The following PDZD2 variants were observed in gnomAD, a reference collection of about 807,000 sequenced individuals.
The protein encoded by PDZD2 is PDZ domain containing 2.
In PDZD2, 90 loss-of-function variants were observed where a neutral mutation model predicts 220.7. That is an observed-to-expected ratio of 0.41 (90% CI 0.34 to 0.49). The LOEUF is 0.49. PDZD2 is among the 20% of genes least tolerant of loss of function. PDZD2 has a pLI of 0.28. For missense variants in PDZD2, 3,174 were observed against 3,608.5 expected, an observed-to-expected ratio of 0.88 and a Z score of 3.08; for synonymous variants, 1,375 against 1,450.5, an observed-to-expected ratio of 0.95 and a Z score of 1.18.
chr5:32,098,654 A>C lies in PDZD2; in HGVS notation c.8218+20A>C. On this transcript the variant is annotated intron_variant, in intron 23 of 24. Coordinates refer to ENST00000438447, the MANE Select transcript of PDZD2 (RefSeq NM_178140.4). This position sits in a 1 kb window ranked among gnomAD's most constrained non-coding sequence, Gnocchi z 4.1. Reference sequence around the variant, plus strand: ...GCATTGGTAAGATGATCATTTCAACAACCAGCAGGCTGTGAGCTACTGCAG... The same window carrying C: ...GCATTGGTAAGATGATCATTTCAACCACCAGCAGGCTGTGAGCTACTGCAG... 1.2e-6 allele frequency: 2 copies of C among 1,603,558 alleles called. No individual in the cohort carries two copies. Among genetic ancestry groups the C allele is most frequent in the Non-Finnish European group, 8.5e-7 (1 of 1,173,812 alleles).
intron 2 of PDZD2, among the ~76,000 whole-genome samples, chr5:31,807,958 G>A (rs1754838660): frequency 6.6e-6 from 1 of 152,210 alleles, no homozygotes; most frequent in Non-Finnish European, 1.5e-5. Flanking sequence ...GTTGTTGCAA[G>A]CTTAGGCTCT....
intron 1 of PDZD2, among the ~76,000 whole-genome samples, chr5:31,771,839 T>A (rs1752355725): frequency 6.6e-6 from 1 of 152,170 alleles, no homozygotes; most frequent in African/African-American, 2.4e-5. Context: ...ACTGCCTGGG[T>A]GACTTTTCCC....
intron 1 of PDZD2, among the ~76,000 whole-genome samples, chr5:31,714,902 C>CA (rs1175582468): frequency 6.6e-6 from 1 of 151,644 alleles, no homozygotes; most frequent in Non-Finnish European, 1.5e-5. Flanking sequence ...ACTAAAAGTA[C>CA]AAAAAAATTA....
chr5:31,662,855 C>T lies in PDZD2; in HGVS notation c.-361+23418C>T, dbSNP rs528565267. Among the ~76,000 whole-genome samples, 19 of 152,298 alleles carry T rather than the reference C, an allele frequency of 1.2e-4. 1 individual carries two copies. In the East Asian group the frequency reaches 3.1e-3, roughly 25 times the overall value. ...CCGTGTTAGCCAGGATGGTCTTGAT[C>T]TCCTGACCTTGTGATCCACCCGCTG... On this transcript the variant is annotated intron_variant, in intron 1 of 24. Coordinates refer to ENST00000438447, the MANE Select transcript of PDZD2 (RefSeq NM_178140.4).
At position 32,082,025 on chromosome 5, in the gene PDZD2, G is replaced by GTT. The variant is rs35433686; in HGVS notation, c.3682+4432_3682+4433dup. Among the ~76,000 whole-genome samples the GTT allele has an allele frequency of 2.1e-3, 278 of 132,168 alleles. 4 individuals are homozygous for GTT. The highest frequency in any genetic ancestry group is 5.0e-3 in the African/African-American group (178 of 35,644). The allele number at this position is 132,168 out of a possible 152,430, so 86.7% of individuals were successfully genotyped here. On this transcript the variant is annotated intron_variant, in intron 19 of 24. Coordinates refer to ENST00000438447, the MANE Select transcript of PDZD2 (RefSeq NM_178140.4). ...GAGCCACCGCGCCTGGCATATCTTT[G>GTT]TTTTTTTTTTTTTTGAGACAGAGTC...
chr5:31,974,053 G>T (rs1028783471), intron 2 of PDZD2, among the ~76,000 whole-genome samples: 1 of 152,158 alleles, frequency 6.6e-6, no homozygotes, highest in Non-Finnish European at 1.5e-5. Context: ...CCATCTTGGC[G>T]CTCTGCAGTG....
chr5:31,727,739 T>A (rs1580634739), intron 1 of PDZD2, among the ~76,000 whole-genome samples: 2 of 146,918 alleles, frequency 1.4e-5, no homozygotes, highest in Non-Finnish European at 1.5e-5. Flanking sequence ...CGCGGTGGCT[T>A]CACCTGTAAA....
intron 2 of PDZD2, among the ~76,000 whole-genome samples, chr5:31,956,968 G>A (rs1274841808): frequency 2.0e-5 from 3 of 152,112 alleles, no homozygotes; most frequent in Non-Finnish European, 4.4e-5. Flanking sequence ...ATACCTCGCT[G>A]TAGCCTCGAA....
intron 7 of PDZD2, among the ~76,000 whole-genome samples, chr5:32,043,901 T>G (rs531278795): frequency 2.2e-4 from 34 of 152,156 alleles, no homozygotes; most frequent in Non-Finnish European, 4.4e-4. Flanking sequence ...TGCTGGGATA[T>G]CAGATGTGAG....
chr5:31,848,141 G>A, intron 2 of PDZD2: 1 of 289,712 alleles, frequency 3.5e-6, no homozygotes, highest in Admixed American at 3.6e-5. Context: ...TCAGGAGCGG[G>A]CTACTAAGAC....
At chr5:31,655,402 G>A (rs1228320180) in intron 1 of PDZD2, among the ~76,000 whole-genome samples, 1 of 152,146 alleles carries the variant, frequency 6.6e-6, no homozygotes, top group Non-Finnish European at 1.5e-5. Context: ...TTGAACTCCT[G>A]ACCTCATGAT....
intron 1 of PDZD2, among the ~76,000 whole-genome samples, chr5:31,789,195 G>A (rs926807325): frequency 6.6e-6 from 1 of 152,138 alleles, no homozygotes; most frequent in Non-Finnish European, 1.5e-5. Flanking sequence ...TGCATTCTAA[G>A]CAAGAAAAAG....
intron 5 of PDZD2, among the ~76,000 whole-genome samples, chr5:32,003,897 AGACGGG>A (rs1752598862): frequency 6.6e-6 from 1 of 152,102 alleles, no homozygotes; most frequent in South Asian, 2.1e-4. Context: ...CTTTTAGTAG[AGACGGG>A]GTTTCGCCAT....
intron 2 of PDZD2, among the ~76,000 whole-genome samples, chr5:31,938,712 A>G (rs1745971232): frequency 1.3e-5 from 2 of 152,172 alleles, no homozygotes; most frequent in South Asian, 2.1e-4. Context: ...GCTGAATACC[A>G]TGTTTTCTCA....
intron 2 of PDZD2, among the ~76,000 whole-genome samples, chr5:31,894,622 A>G (rs1443754830): frequency 6.6e-6 from 1 of 152,194 alleles, no homozygotes; most frequent in African/African-American, 2.4e-5. Context: ...CCGCATGTAC[A>G]CTTATAACAT....
chr5:31,769,562 C>T (rs1164278187), intron 1 of PDZD2, among the ~76,000 whole-genome samples: 3 of 152,164 alleles, frequency 2.0e-5, no homozygotes, highest in East Asian at 3.8e-4. Context: ...TAAAAGAGCC[C>T]GGTTTCCTCC....
intron 1 of PDZD2, among the ~76,000 whole-genome samples, chr5:31,796,343 G>C (rs551895739): frequency 6.6e-6 from 1 of 152,170 alleles, no homozygotes. Context: ...AAGTGAGGAC[G>C]GGAAAGCTGT....
chr5:31,718,241 G>A (rs550361797), intron 1 of PDZD2, among the ~76,000 whole-genome samples: 1 of 152,312 alleles, frequency 6.6e-6, no homozygotes, highest in East Asian at 1.9e-4. Flanking sequence ...GTGTTTCCCA[G>A]TGCAGGGCTG....
intron 2 of PDZD2, among the ~76,000 whole-genome samples, chr5:31,955,677 T>C (rs1747602249): frequency 7.0e-6 from 1 of 142,070 alleles, no homozygotes; most frequent in Admixed American, 7.3e-5. Context: ...AACTTTGGGC[T>C]CTGTTCTTTT....
Sources: allele counts gnomAD v4.1 joint callset (sites outside exome capture counted in the v4.1 genomes callset), GRCh38; gene constraint gnomAD v4.1.1; non-coding constraint Gnocchi (gnomAD v3.1); transcripts MANE v1.5; gene names NCBI Gene and HGNC (gene_info 2026-07-23, HGNC 2026-07-21).